Variants in NBEAL1 observed in about 807,000 individuals in gnomAD.
NBEAL1 encodes the protein neurobeachin like 1, also known as neurobeachin-like protein 1.
In NBEAL1, 273 loss-of-function variants were observed where a neutral mutation model predicts 351.3. The observed-to-expected ratio is 0.78, with a 90% CI of 0.70 to 0.86. The LOEUF (loss-of-function observed/expected upper bound fraction) is 0.86. Among genes scored for constraint, NBEAL1 ranks in the 40% least tolerant of loss-of-function variants. The pLI is 0.00. For missense variants in NBEAL1, 2,961 were observed against 3,201.3 expected (o/e 0.92, Z 1.81); for synonymous variants, 1,050 against 1,086.4 (o/e 0.97, Z 0.66).
intron 5 of NBEAL1, among the ~76,000 whole-genome samples, chr2:203,057,108 CCTT>C (rs2061416655): frequency 6.6e-6 from 1 of 151,986 alleles, no homozygotes; most frequent in East Asian, 1.9e-4. Context: ...TATCACATAT[CCTT>C]CTTACTGAAA....
intron 17 of NBEAL1, among the ~76,000 whole-genome samples, chr2:203,115,483 C>T (rs886593572): frequency 3.9e-5 from 6 of 152,062 alleles, no homozygotes; most frequent in Non-Finnish European, 5.9e-5. Flanking sequence ...TTGCTGAGGA[C>T]AGAGTGCAGT....
chr2:203,027,751 C>T (rs1416599695), intron 2 of NBEAL1, among the ~76,000 whole-genome samples: 1 of 152,142 alleles, frequency 6.6e-6, no homozygotes, highest in African/African-American at 2.4e-5. Flanking sequence ...CTCTGTCACC[C>T]AGGCTGGAGT....
chr2:203,213,558 A>G lies in NBEAL1; in HGVS notation c.7975A>G (p.Ile2659Val), dbSNP rs1461638542. 4.3e-6 allele frequency: 7 copies of G among 1,613,880 alleles called. No individual in the cohort carries two copies. In the African/African-American group the frequency reaches 9.3e-5, roughly 22 times the overall value. The change falls in exon 55 of 56, where the codon ATC (isoleucine) becomes GTC (valine). Residue 2659 changes from isoleucine to valine, a missense_variant. Transcript: ENST00000683969. ...SINPLAMRLP[I>V]HCVCVTKEYS... ...CAACCCATTAGCCATGCGACTGCCT[A>G]TCCATTGTGTTTGTGTCACCAAAGA...
intron 51 of NBEAL1, among the ~76,000 whole-genome samples, chr2:203,203,917 G>GT (rs958400955): frequency 3.3e-5 from 5 of 150,984 alleles, no homozygotes; most frequent in African/African-American, 9.8e-5. Context: ...TGTTTTTTGT[G>GT]TTTTTTTTGT....
At position 203,107,420 on chromosome 2, in the gene NBEAL1, G is replaced by A; in HGVS notation, c.1270G>A (p.Glu424Lys). ...AVMNKSPAAK[E>K]VFKERIGYTH... ...GATATATTGTCTTCCCATCCCCTAG[G>A]AAGTATTTAAAGAAAGAATTGGTTA... The change falls in exon 13 of 56, where the codon GAA (glutamate) becomes AAA (lysine). Residue 424 changes from glutamate to lysine, a missense_variant and splice_region_variant. Coordinates refer to ENST00000683969, the MANE Select transcript of NBEAL1 (RefSeq NM_001378026.1). 6.7e-7 allele frequency: 1 copy of A among 1,501,584 alleles called. No individual in the cohort carries two copies. 93.0% of individuals were successfully genotyped at this position (1,501,584 alleles called of 1,614,324 possible).
chr2:203,032,377 G>A (rs182116810), intron 2 of NBEAL1, among the ~76,000 whole-genome samples: 1 of 152,154 alleles, frequency 6.6e-6, no homozygotes, highest in African/African-American at 2.4e-5. Context: ...GATAAGAACA[G>A]CTGGGCACGG....
chr2:203,160,077 A>ATTTTT (rs34866290), intron 36 of NBEAL1, among the ~76,000 whole-genome samples: 2 of 127,562 alleles, frequency 1.6e-5, no homozygotes, highest in African/African-American at 2.9e-5. Flanking sequence ...GCCCCCCGCT[A>ATTTTT]TTTTTTTTTT....
intron 31 of NBEAL1, among the ~76,000 whole-genome samples, chr2:203,139,700 G>A (rs1036220003): frequency 1.1e-4 from 16 of 150,286 alleles, no homozygotes; most frequent in Admixed American, 7.3e-4. Flanking sequence ...AAGTAGCTGG[G>A]ACTACGGGTG....
intron 4 of NBEAL1, among the ~76,000 whole-genome samples, chr2:203,054,260 T>C (rs2106085683): frequency 6.6e-6 from 1 of 152,122 alleles, no homozygotes; most frequent in Admixed American, 6.5e-5. Context: ...ACCCCGTCTC[T>C]ACTAAAAATA....
intron 31 of NBEAL1, among the ~76,000 whole-genome samples, chr2:203,141,182 A>G (rs554721667): frequency 6.7e-6 from 1 of 148,332 alleles, no homozygotes; most frequent in East Asian, 2.0e-4. Context: ...AGATGTTAGG[A>G]CTTTTTTTTC....
At position 203,199,416 on chromosome 2, in the gene NBEAL1, T is replaced by C. The variant is rs2065329603; in HGVS notation, c.7207T>C (p.Phe2403Leu). 2 of 1,604,190 alleles carry C rather than the reference T, an allele frequency of 1.2e-6. No individual in the cohort carries two copies. Among genetic ancestry groups the C allele is most frequent in the Non-Finnish European group, 1.7e-6 (2 of 1,171,840 alleles). ...YDRNISNYFT[F>L]IKDQTVTNPK... The stretch of plus-strand genomic sequence containing the variant: ...CAGAAACATTTCTAATTACTTTACA[T>C]TCATCAAGGATCAAACTGTGACAAA... The change falls in exon 49 of 56, where the codon TTC becomes CTC. Residue 2403 changes from phenylalanine (F) to leucine (L), a missense_variant. Physicochemically the swap from Phe to Leu is conservative, Grantham distance 22 (BLOSUM62 0). Coordinates refer to ENST00000683969, the MANE Select transcript of NBEAL1 (RefSeq NM_001378026.1).
intron 18 of NBEAL1, among the ~76,000 whole-genome samples, chr2:203,117,230 C>T (rs547920360): frequency 7.6e-4 from 116 of 152,056 alleles, no homozygotes; most frequent in Middle Eastern, 3.4e-3. Flanking sequence ...TTTGGGAGAC[C>T]GAGGCGGGCG....
chr2:203,069,288 T>C lies in NBEAL1; in HGVS notation c.598+813T>C, dbSNP rs1052028901. ...CAGAAATAATCCTTTGATTGCTTGC[T>C]GAAGATGACTGCAGTGCTGACTCTG... On this transcript the variant is annotated intron_variant, in intron 7 of 55. Coordinates refer to ENST00000683969, the MANE Select transcript of NBEAL1 (RefSeq NM_001378026.1). Among the ~76,000 whole-genome samples the C allele has an allele frequency of 2.0e-5, 3 of 152,228 alleles. No individual in the cohort carries two copies. In the South Asian group the frequency reaches 6.2e-4, roughly 32 times the overall value.
At position 203,175,208 on chromosome 2, in the gene NBEAL1, T is replaced by A. The variant is rs761973462; in HGVS notation, c.6385T>A (p.Ser2129Thr). 3.1e-6 allele frequency: 5 copies of A among 1,613,798 alleles called. No individual in the cohort carries two copies. Among genetic ancestry groups the A allele is most frequent in the Non-Finnish European group, 4.2e-6 (5 of 1,179,782 alleles). Residue 2129 changes from serine (S) to threonine (T), a missense_variant, in exon 42 of 56, where the codon TCA (serine) becomes ACA (threonine). By Grantham distance (58) the Ser-to-Thr change is moderately conservative. Coordinates refer to ENST00000683969, the MANE Select transcript of NBEAL1 (RefSeq NM_001378026.1). ...TAAGTTTCACTATGGTACTCACTAT[T>A]CAAATTCTGCGGGGGTCATGCACTA... ...IDKFHYGTHYSNSAGVMHYLI... is the reference protein window; with the variant it reads ...IDKFHYGTHYTNSAGVMHYLI...
intron 7 of NBEAL1, 82 bp downstream of exon 7, chr2:203,068,557 G>C: frequency 1.5e-6 from 1 of 681,940 alleles, no homozygotes; most frequent in Non-Finnish European, 2.4e-6. Context: ...TTCTGATCTT[G>C]ATTCAGCTTT....
chr2:203,208,584 A>G lies in NBEAL1; in HGVS notation c.7507-53A>G, dbSNP rs1026173199. 19 of 1,318,224 alleles carry G rather than the reference A, an allele frequency of 1.4e-5. No homozygotes were observed. In the East Asian group the frequency reaches 4.2e-4, roughly 29 times the overall value. The allele number at this position is 1,318,224 out of a possible 1,614,324, so 81.7% of individuals were successfully genotyped here. On this transcript the variant is annotated intron_variant, in intron 51 of 55. Coordinates refer to ENST00000683969, the MANE Select transcript of NBEAL1 (RefSeq NM_001378026.1). Reference sequence around the variant, plus strand: ...TTTAAATGCAATATAAACCTTGTGAAAAACAGGAAACAAGAAACCACCTTT... The same window carrying G: ...TTTAAATGCAATATAAACCTTGTGAGAAACAGGAAACAAGAAACCACCTTT...
intron 6 of NBEAL1, among the ~76,000 whole-genome samples, chr2:203,064,898 A>G (rs893514748): frequency 6.6e-6 from 1 of 152,220 alleles, no homozygotes; most frequent in South Asian, 2.1e-4. Context: ...ATATAAAACT[A>G]TATCCCTATT....
chr2:203,017,081 A>C (rs2105983209), intron 2 of NBEAL1, among the ~76,000 whole-genome samples: 1 of 152,302 alleles, frequency 6.6e-6, no homozygotes, highest in East Asian at 1.9e-4. Context: ...GTCACTCAGA[A>C]ATAATGTTCT....
chr2:203,048,774 G>A (rs2061273485), intron 3 of NBEAL1, among the ~76,000 whole-genome samples: 1 of 151,994 alleles, frequency 6.6e-6, no homozygotes, highest in African/African-American at 2.4e-5. Context: ...GTTGGCATTT[G>A]CCCTTAAAGA....
Sources: gnomAD v4.1 joint callset for allele counts (sites outside exome capture counted in the v4.1 genomes callset) on GRCh38, gnomAD v4.1.1 for gene constraint, MANE v1.5 for transcripts, NCBI Gene and HGNC (gene_info 2026-07-23, HGNC 2026-07-21) for gene names.